The following DBNDD2 variants were observed in gnomAD, a reference collection of about 807,000 sequenced individuals.
DBNDD2 encodes the protein dysbindin domain containing 2, also known as dysbindin domain-containing protein 2.
DBNDD2 carries 8 observed loss-of-function variants against 14.0 expected under a neutral mutation model. That is an observed-to-expected ratio of 0.57 (90% CI 0.33 to 1.03). DBNDD2 has a LOEUF of 1.03. DBNDD2 is among the 50% of genes least tolerant of loss of function. DBNDD2 has a pLI of 0.03. For synonymous variants in DBNDD2, 94 were observed against 85.3 expected, an observed-to-expected ratio of 1.10 and a Z score of -0.56; for missense variants, 194 against 206.0, an observed-to-expected ratio of 0.94 and a Z score of 0.36.
chr20:45,407,677 T>G (rs1467565187), upstream of DBNDD2: 1 of 991,606 alleles, frequency 1.0e-6, no homozygotes, highest in Non-Finnish European at 1.2e-6. Context: ...CAGTGAGATG[T>G]GTCCCAGGAG....
intron 2 of DBNDD2, among the ~76,000 whole-genome samples, chr20:45,409,342 A>G (rs940534762): frequency 6.6e-6 from 1 of 152,178 alleles, no homozygotes; most frequent in Non-Finnish European, 1.5e-5. Flanking sequence ...TATTATCTCA[A>G]TCCTTACAAC....
chr20:45,406,801 A>T (rs1383601379), upstream of DBNDD2: 9 of 1,243,238 alleles, frequency 7.2e-6, no homozygotes, highest in Non-Finnish European at 9.0e-6. Context: ...GCACGAGGGG[A>T]ACGGCCTTGG....
At position 45,408,684 on chromosome 20, in the gene DBNDD2, C is replaced by G. The variant is rs1043860658; in HGVS notation, c.139+78C>G. The G allele has an allele frequency of 2.2e-5, 34 of 1,578,774 alleles. No individual in the cohort carries two copies. The East Asian group carries it at 6.9e-4, about 32-fold the overall frequency. On this transcript the variant is annotated intron_variant, in intron 1 of 2. Transcript: ENST00000372710. ...TGTGGGTCCTGAATCTTGTGGCACT[C>G]TCTCCCCTCTGGTTTTCTTGGCCCT...
upstream of DBNDD2, chr20:45,407,354 CCT>C (rs1440423292): frequency 3.0e-6 from 3 of 985,706 alleles, no homozygotes; most frequent in Non-Finnish European, 3.6e-6. Flanking sequence ...TCCCTCTCCA[CCT>C]CTGTGGCGCC....
chr20:45,407,047 G>A (rs1186486476), upstream of DBNDD2, among the ~76,000 whole-genome samples: 1 of 152,200 alleles, frequency 6.6e-6, no homozygotes, highest in East Asian at 1.9e-4. Flanking sequence ...CGGCCCCCCG[G>A]GGGACAGCTC....
rs1387245744 is a variant in DBNDD2, at chr20:45,408,952, C to T, written c.277+14C>T. 6.2e-7 allele frequency: 1 copy of T among 1,614,078 alleles called. No individual in the cohort carries two copies. The highest frequency in any genetic ancestry group is 1.3e-5 in the African/African-American group (1 of 74,934). ...CCCAGTCGTCTGGTATGCCCCTCTG[C>T]TTTGGGGACTTCAGTGCCAGTCAGC... is the stretch of plus-strand genomic sequence containing the variant. On this transcript the variant is annotated intron_variant, in intron 2 of 2. Coordinates refer to ENST00000372710, the MANE Select transcript of DBNDD2 (RefSeq NM_001048225.4).
At chr20:45,408,032 C>T (rs374847561), upstream of DBNDD2, 10 of 1,437,982 alleles carry the variant, frequency 7.0e-6, no homozygotes, top group East Asian at 7.5e-5. Flanking sequence ...GAACCCTCCA[C>T]CCTGAGATCT....
At position 45,408,816 on chromosome 20, in the gene DBNDD2, T is replaced by G. The variant is rs1228296023; in HGVS notation, c.155T>G (p.Ile52Ser). 1 of 1,614,212 alleles carries G rather than the reference T, an allele frequency of 6.2e-7. No individual in the cohort carries two copies. The highest frequency in any genetic ancestry group is 2.2e-5 in the East Asian group (1 of 44,890). Residue 52 changes from isoleucine to serine, a missense_variant, in exon 2 of 3, where the codon ATC becomes AGC. By Grantham distance (142) the Ile-to-Ser change is moderately radical (BLOSUM62 -2). Coordinates refer to ENST00000372710, the MANE Select transcript of DBNDD2 (RefSeq NM_001048225.4). Reference sequence around the variant, plus strand: ...TGATCCGCAGCCCCCATAGGTAGTATCTCATCCATGGAAGTGAATGTGGAC... The same window carrying G: ...TGATCCGCAGCCCCCATAGGTAGTAGCTCATCCATGGAAGTGAATGTGGAC... Reference protein sequence around the residue: ...LESQRPPIGSISSMEVNVDTL... With the variant: ...LESQRPPIGSSSSMEVNVDTL...
chr20:45,406,811 G>A (rs1989435128), upstream of DBNDD2: 1 of 1,230,268 alleles, frequency 8.1e-7, no homozygotes, highest in Non-Finnish European at 1.0e-6. Context: ...AACGGCCTTG[G>A]GGGAGCGCCC....
At position 45,408,630 on chromosome 20, in the gene DBNDD2, G is replaced by A. The variant is rs751763151; in HGVS notation, c.139+24G>A. ...ACGTAAGTCCCAAGTCCTGAGAAGA[G>A]GGACTGGGGTAGGGTAGGGAGGATG... On this transcript the variant is annotated intron_variant, in intron 1 of 2. Transcript: ENST00000372710. 56 of 1,607,444 alleles carry A rather than the reference G, an allele frequency of 3.5e-5. No homozygotes were observed. The Middle Eastern group carries it at 5.0e-4, about 14-fold the overall frequency.
upstream of DBNDD2, chr20:45,407,499 G>A: frequency 3.0e-6 from 3 of 985,852 alleles, no homozygotes; most frequent in Non-Finnish European, 3.6e-6. Context: ...AGAACGCCGG[G>A]AAGGAGATGA....
At position 45,408,945 on chromosome 20, in the gene DBNDD2, C is replaced by T. The variant is rs760942884; in HGVS notation, c.277+7C>T. On this transcript the variant is annotated splice_region_variant and intron_variant, in intron 2 of 2. Transcript: ENST00000372710. Reference sequence around the variant, plus strand: ...CCAACCCCCCAGTCGTCTGGTATGCCCCTCTGCTTTGGGGACTTCAGTGCC... The same window carrying T: ...CCAACCCCCCAGTCGTCTGGTATGCTCCTCTGCTTTGGGGACTTCAGTGCC... The T allele has an allele frequency of 2.5e-6, 4 of 1,614,162 alleles. No individual in the cohort carries two copies. In the East Asian group the frequency reaches 8.9e-5, roughly 36 times the overall value.
In DBNDD2 at chr20:45,410,422, T is replaced by G. The variant is rs1989781865; in HGVS notation, c.*282T>G. ...AGGTTGGACAAGATGCCACTGCTTT[T>G]CTTAGCACTCTTCCCTCCCCTAAAC... On this transcript the variant is annotated 3_prime_UTR_variant, in exon 3 of 3. Transcript: ENST00000372710. 1 of 442,634 alleles carries G rather than the reference T, an allele frequency of 2.3e-6. No individual in the cohort carries two copies. The highest frequency in any genetic ancestry group is 4.6e-5 in the East Asian group (1 of 21,780). 27.4% of individuals were successfully genotyped at this position (442,634 alleles called of 1,614,324 possible).
chr20:45,408,982 G>A (rs1301080256), intron 2 of DBNDD2, 44 bp downstream of exon 2: 1 of 1,614,142 alleles, frequency 6.2e-7, no homozygotes, highest in Admixed American at 1.7e-5. Context: ...GTCAGCCAGA[G>A]CCGGATGTCA....
chr20:45,407,691 G>A (rs1485662523), upstream of DBNDD2: 1 of 992,998 alleles, frequency 1.0e-6, no homozygotes, highest in East Asian at 1.1e-4. Context: ...CCAGGAGGGG[G>A]ACGCATAAAG....
chr20:45,408,527 A>C lies in DBNDD2; in HGVS notation c.60A>C (p.Gln20His). Reference protein sequence around the residue: ...ERQQLRLRERQKFFEDILQPE... With the variant: ...ERQQLRLRERHKFFEDILQPE... ...AGCAGCTCCGCCTTCGGGAGCGGCA[A>C]AAATTCTTCGAGGACATTTTACAGC... Residue 20 changes from glutamine to histidine, a missense_variant, in exon 1 of 3, where the codon CAA (glutamine) becomes CAC (histidine). By Grantham distance (24) the Gln-to-His change is conservative. Transcript: ENST00000372710. 1.2e-6 allele frequency: 2 copies of C among 1,614,250 alleles called. No homozygotes were observed. Among genetic ancestry groups the C allele is most frequent in the Non-Finnish European group, 1.7e-6 (2 of 1,180,044 alleles).
In DBNDD2 at chr20:45,409,937, G is replaced by A. The variant is rs1490809365; in HGVS notation, c.283G>A (p.Asp95Asn). 1 of 1,551,684 alleles carries A rather than the reference G, an allele frequency of 6.4e-7. No homozygotes were observed. Among genetic ancestry groups the A allele is most frequent in the South Asian group, 1.2e-5 (1 of 84,064 alleles). The change falls in exon 3 of 3, where the codon GAC (aspartate) becomes AAC (asparagine). Residue 95 changes from aspartate to asparagine, a missense_variant. Transcript: ENST00000372710. ...CAGCTTTTCTCTCTGGGCAGGGATGGACAACCATTTGGAGGAGCTGAGCCT... is the reference window on the plus strand; with the variant it reads ...CAGCTTTTCTCTCTGGGCAGGGATGAACAACCATTTGGAGGAGCTGAGCCT... ...PPPTPQSSGM[D>N]NHLEELSLPV...
chr20:45,408,954 T>C lies in DBNDD2; in HGVS notation c.277+16T>C, dbSNP rs1406990442. The C allele has an allele frequency of 6.2e-7, 1 of 1,614,186 alleles. No homozygotes were observed. The highest frequency in any genetic ancestry group is 1.1e-5 in the South Asian group (1 of 91,084). Reference sequence around the variant, plus strand: ...CAGTCGTCTGGTATGCCCCTCTGCTTTGGGGACTTCAGTGCCAGTCAGCCA... The same window carrying C: ...CAGTCGTCTGGTATGCCCCTCTGCTCTGGGGACTTCAGTGCCAGTCAGCCA... On this transcript the variant is annotated intron_variant, in intron 2 of 2. Transcript: ENST00000372710.
chr20:45,407,043 C>T (rs1442110491), upstream of DBNDD2, among the ~76,000 whole-genome samples: 1 of 152,166 alleles, frequency 6.6e-6, no homozygotes, highest in African/African-American at 2.4e-5. Context: ...TCCGCGGCCC[C>T]CCGGGGGACA....
Sources: allele counts gnomAD v4.1 joint callset (sites outside exome capture counted in the v4.1 genomes callset), GRCh38; gene constraint gnomAD v4.1.1; transcripts MANE v1.5; gene names NCBI Gene and HGNC (gene_info 2026-07-23, HGNC 2026-07-21).